LMX1A: variants seen among roughly 807,000 people sequenced by gnomAD.
The protein encoded by LMX1A is LIM homeobox transcription factor 1 alpha, also known as LIM homeobox transcription factor 1-alpha.
In LMX1A, 15 loss-of-function variants were observed where a neutral mutation model predicts 49.1. The observed-to-expected ratio is 0.31, with a 90% CI of 0.20 to 0.47. The LOEUF is 0.47. Among genes scored for constraint, LMX1A ranks in the 20% least tolerant of loss-of-function variants. The pLI is 1.00. For synonymous variants in LMX1A, 167 were observed against 185.7 expected (o/e 0.90, Z 0.82); for missense variants, 372 against 475.8 (o/e 0.78, Z 2.03).
intron 3 of LMX1A, among the ~76,000 whole-genome samples, chr1:165,340,412 A>G (rs1656039873): frequency 1.3e-5 from 2 of 152,128 alleles, no homozygotes; most frequent in Admixed American, 1.3e-4. Context: ...TACGCTTGGT[A>G]AGGGCAAACA....
intron 3 of LMX1A, among the ~76,000 whole-genome samples, chr1:165,326,558 A>G (rs1655586285): frequency 6.6e-6 from 1 of 152,356 alleles, no homozygotes; most frequent in Non-Finnish European, 1.5e-5. Context: ...CATTTTATTC[A>G]TGAAGAAACT....
intron 3 of LMX1A, among the ~76,000 whole-genome samples, chr1:165,343,179 C>A (rs145885595): frequency 6.6e-6 from 1 of 152,012 alleles, no homozygotes; most frequent in Non-Finnish European, 1.5e-5. Context: ...CAAAAGTGAA[C>A]CTTTGAGTTT....
At position 165,208,257 on chromosome 1, in the gene LMX1A, T is replaced by A. The variant is rs188446726; in HGVS notation, c.748-125A>T. 456 of 787,182 alleles carry A rather than the reference T, an allele frequency of 5.8e-4. 2 individuals are homozygous for A. The African/African-American group carries it at 7.1e-3, about 12-fold the overall frequency. The allele number at this position is 787,182 out of a possible 1,614,324, so 48.8% of individuals were successfully genotyped here. On this transcript the variant is annotated intron_variant, in intron 6 of 8. Coordinates refer to ENST00000342310, the MANE Select transcript of LMX1A (RefSeq NM_177398.4). ...TTGTTGGCAAAGCTCTGGCTCTTAC[T>A]TAGTAAAGGAGCAACAGTGGCCAGC...
chr1:165,325,461 ATGTG>A (rs61491320), intron 3 of LMX1A, among the ~76,000 whole-genome samples: 128,002 of 150,730 alleles, frequency 0.85, 55,165 homozygotes, highest in East Asian at 0.94. Flanking sequence ...GTATATACAT[ATGTG>A]TGTGTGTGTG....
At chr1:165,247,070 T>TTTTTTTTTTTTTTTTTTTTTTTTTG in intron 4 of LMX1A, among the ~76,000 whole-genome samples, 1 of 135,806 alleles carries the variant, frequency 7.4e-6, no homozygotes, top group African/African-American at 2.8e-5. Flanking sequence ...TTTTTTTTTT[T>TTTTTTTTTTTTTTTTTTTTTTTTTG]TTTTTTTTTT....
intron 3 of LMX1A, among the ~76,000 whole-genome samples, chr1:165,280,941 C>T (rs1421294308): frequency 1.3e-5 from 2 of 152,024 alleles, no homozygotes; most frequent in Admixed American, 6.6e-5. Context: ...GGTCTAGAGA[C>T]CAGATTATGA....
chr1:165,232,460 C>T (rs187445959), intron 4 of LMX1A, among the ~76,000 whole-genome samples: 37 of 152,250 alleles, frequency 2.4e-4, no homozygotes, highest in Admixed American at 1.0e-3. Context: ...TCTGGAGAGC[C>T]ATGAGACACT....
intron 3 of LMX1A, among the ~76,000 whole-genome samples, chr1:165,259,543 G>T (rs572596329): frequency 1.6e-3 from 239 of 152,276 alleles, no homozygotes; most frequent in African/African-American, 5.5e-3. Context: ...GTGTGGACAC[G>T]TATTGAGACA....
In LMX1A at chr1:165,203,659, T is replaced by TA. The variant is rs1382632937; in HGVS notation, c.*220dup. 2.3e-6 allele frequency: 1 copy of TA among 427,076 alleles called. No homozygotes were observed. Among genetic ancestry groups the TA allele is most frequent in the Non-Finnish European group, 4.2e-6 (1 of 236,580 alleles). 26.5% of individuals were successfully genotyped at this position (427,076 alleles called of 1,614,324 possible). ...TTAATGATAAACACGTCTTCATATC[T>TA]AATGCTAAGACTCTTATTAGAAACA... is the stretch of plus-strand genomic sequence containing the variant. On this transcript the variant is annotated 3_prime_UTR_variant, in exon 9 of 9. Coordinates refer to ENST00000342310, the MANE Select transcript of LMX1A (RefSeq NM_177398.4).
At position 165,226,380 on chromosome 1, in the gene LMX1A, C is replaced by T. The variant is rs190290243; in HGVS notation, c.497-12567G>A. On this transcript the variant is annotated intron_variant, in intron 4 of 8. Coordinates refer to ENST00000342310, the MANE Select transcript of LMX1A (RefSeq NM_177398.4). ...AAATGCTGAACAGCCCTTCTGTTTG[C>T]AAGACTGGTGAATTCAAAGTCATGC... Among the ~76,000 whole-genome samples the T allele has an allele frequency of 2.6e-4, 39 of 152,312 alleles. No homozygotes were observed. The East Asian group carries it at 6.0e-3, about 23-fold the overall frequency.
intron 4 of LMX1A, among the ~76,000 whole-genome samples, chr1:165,221,818 G>A (rs1651858016): frequency 1.3e-5 from 2 of 152,012 alleles, no homozygotes; most frequent in Admixed American, 1.3e-4. Context: ...GGACTGATTG[G>A]TAGAATTACT....
rs4656440 is a variant in LMX1A, at chr1:165,249,397, C to G, written c.496+11G>C. The G allele has an allele frequency of 0.064, 102,233 of 1,602,346 alleles. 4,048 individuals carry two copies. Among genetic ancestry groups the G allele is most frequent in the Admixed American group, 0.15 (9,011 of 60,004 alleles). On this transcript the variant is annotated intron_variant, in intron 4 of 8. Coordinates refer to ENST00000342310, the MANE Select transcript of LMX1A (RefSeq NM_177398.4). ...ACCCCACCGCAGCCCTGCCCACCAC[C>G]TGGCACTCACCTGAGTCTGAGGCTG...
At chr1:165,218,802 T>A (rs945318725) in intron 4 of LMX1A, 6 of 151,952 alleles carry the variant, frequency 3.9e-5, no homozygotes, top group African/African-American at 1.5e-4. Context: ...GCGGCCCCTC[T>A]CCTTTGCCAG....
chr1:165,293,731 G>A (rs536112447), intron 3 of LMX1A, among the ~76,000 whole-genome samples: 4 of 152,278 alleles, frequency 2.6e-5, no homozygotes, highest in East Asian at 3.9e-4. Flanking sequence ...CCCATTTTCT[G>A]GACAGTGCTT....
intron 3 of LMX1A, among the ~76,000 whole-genome samples, chr1:165,332,450 T>G (rs1655775689): frequency 6.6e-6 from 1 of 152,242 alleles, no homozygotes; most frequent in Non-Finnish European, 1.5e-5. Context: ...TTTCCTATTT[T>G]TAACTATTAC....
intron 3 of LMX1A, among the ~76,000 whole-genome samples, chr1:165,319,713 G>A (rs1655326289): frequency 2.0e-5 from 3 of 152,020 alleles, no homozygotes; most frequent in Admixed American, 6.6e-5. Flanking sequence ...TAGGCAAAAG[G>A]CAGACAGACA....
At chr1:165,324,102 C>T (rs1172580669) in intron 3 of LMX1A, among the ~76,000 whole-genome samples, 1 of 152,186 alleles carries the variant, frequency 6.6e-6, no homozygotes, top group Non-Finnish European at 1.5e-5. Flanking sequence ...TCATGCCTGG[C>T]ACATCGCAGG....
chr1:165,318,994 C>CTT (rs1336810497), intron 3 of LMX1A, among the ~76,000 whole-genome samples: 1 of 63,820 alleles, frequency 1.6e-5, no homozygotes, highest in African/African-American at 5.7e-5. Flanking sequence ...CTCTCTCTCT[C>CTT]TCTCTCACAC....
At chr1:165,251,067 T>C (rs547002919) in intron 3 of LMX1A, among the ~76,000 whole-genome samples, 1 of 147,970 alleles carries the variant, frequency 6.8e-6, no homozygotes, top group East Asian at 2.1e-4. Flanking sequence ...GGCAAGCAAT[T>C]GGGAGTATTG....
Sources: gnomAD v4.1 joint callset for allele counts (sites outside exome capture counted in the v4.1 genomes callset) on GRCh38, gnomAD v4.1.1 for gene constraint, MANE v1.5 for transcripts, NCBI Gene and HGNC (gene_info 2026-07-23, HGNC 2026-07-21) for gene names.